Variants in HEG1 observed in about 807,000 individuals in gnomAD.
HEG1 encodes protein HEG homolog 1.
A neutral mutation model predicts 125.6 loss-of-function variants in HEG1; 56 were observed. The ratio of observed to expected loss-of-function variants is 0.45; its 90% confidence interval spans 0.36 to 0.56. The LOEUF (loss-of-function observed/expected upper bound fraction) is 0.56, where lower values mean the gene tolerates loss of function less well. Among genes scored for constraint, HEG1 ranks in the 20% least tolerant of loss-of-function variants. The pLI, the probability that HEG1 is intolerant of heterozygous loss-of-function variation, is 0.00. For missense variants in HEG1, 1,523 were observed against 1,670.0 expected (o/e 0.91, Z 1.53); for synonymous variants, 644 against 668.5 (o/e 0.96, Z 0.57).
In HEG1 at chr3:124,990,840, GA is replaced by G; in HGVS notation, c.3696-17del. 3 of 1,560,636 alleles carry G rather than the reference GA, an allele frequency of 1.9e-6. No homozygotes were observed. Among genetic ancestry groups the G allele is most frequent in the Admixed American group, 1.9e-5 (1 of 51,918 alleles). Reference sequence around the variant, plus strand: ...AAATGGGCAACTGCAAGCCAAGAAAGAAAAAAGGGCAAGAATTAGTTTCCAA... The same window carrying G: ...AAATGGGCAACTGCAAGCCAAGAAAGAAAAAGGGCAAGAATTAGTTTCCAA... On this transcript the variant is annotated splice_polypyrimidine_tract_variant and intron_variant, in intron 13 of 16. Coordinates refer to ENST00000311127, the MANE Select transcript of HEG1 (RefSeq NM_020733.2).
intron 15 of HEG1, among the ~76,000 whole-genome samples, chr3:124,976,313 A>G (rs930518293): frequency 6.6e-6 from 1 of 152,012 alleles, no homozygotes; most frequent in African/African-American, 2.4e-5. Context: ...CAGCCTCCCG[A>G]GTAGCTGGGA....
intron 16 of HEG1, among the ~76,000 whole-genome samples, chr3:124,973,321 C>T (rs1337644273): frequency 6.6e-6 from 1 of 152,134 alleles, no homozygotes; most frequent in African/African-American, 2.4e-5. Flanking sequence ...AGGTGTGAGC[C>T]ACTGTGCCCA....
chr3:125,015,385 G>A (rs1224108666), intron 5 of HEG1, among the ~76,000 whole-genome samples: 2 of 152,216 alleles, frequency 1.3e-5, no homozygotes, highest in Non-Finnish European at 2.9e-5. Context: ...TCAGACATTT[G>A]CACAAGGCCC....
chr3:124,973,312 G>C (rs1208220653), intron 16 of HEG1, among the ~76,000 whole-genome samples: 5 of 152,164 alleles, frequency 3.3e-5, no homozygotes, highest in African/African-American at 1.2e-4. Context: ...TGGGATTACA[G>C]GTGTGAGCCA....
chr3:124,989,804 T>C (rs1318081444), intron 14 of HEG1, among the ~76,000 whole-genome samples: 3 of 152,174 alleles, frequency 2.0e-5, no homozygotes, highest in African/African-American at 7.2e-5. Context: ...GCAGCCCAAA[T>C]TGCTTTCCTT....
chr3:125,044,099 A>G (rs1579438702), intron 1 of HEG1, among the ~76,000 whole-genome samples: 1 of 152,334 alleles, frequency 6.6e-6, no homozygotes, highest in South Asian at 2.1e-4. Flanking sequence ...CTGCTAGAAA[A>G]TGGAGCCGTG....
chr3:124,972,273 T>TGAGA (rs2107685340), intron 16 of HEG1: 1 of 152,292 alleles, frequency 6.6e-6, no homozygotes, highest in East Asian at 1.9e-4. Flanking sequence ...GAGTAAAGGA[T>TGAGA]GAGAGTGTGG....
At chr3:124,995,597 T>C (rs915852081) in intron 12 of HEG1, among the ~76,000 whole-genome samples, 1 of 152,242 alleles carries the variant, frequency 6.6e-6, no homozygotes, top group Non-Finnish European at 1.5e-5. Flanking sequence ...CCAGCACTGA[T>C]GGCCAGAAGA....
intron 15 of HEG1, among the ~76,000 whole-genome samples, chr3:124,976,167 T>C (rs542571823): frequency 2.0e-5 from 3 of 152,244 alleles, no homozygotes; most frequent in African/African-American, 7.2e-5. Context: ...CAATGCTTGT[T>C]ATTTTCTAGG....
intron 11 of HEG1, among the ~76,000 whole-genome samples, chr3:124,998,531 T>C (rs988051314): frequency 2.6e-5 from 4 of 152,150 alleles, no homozygotes; most frequent in South Asian, 2.1e-4. Context: ...CAGGGACTGG[T>C]TGGTACACAT....
In HEG1 at chr3:124,973,586, G is replaced by A. The variant is rs1936483356; in HGVS notation, c.3996+145C>T. ...TAAGTACCATGCAAATAGACTGTAG[G>A]TAAACTGACTAGTAAATCAGAGGTT... On this transcript the variant is annotated intron_variant, in intron 16 of 16. Coordinates refer to ENST00000311127, the MANE Select transcript of HEG1 (RefSeq NM_020733.2). 5.0e-6 allele frequency: 3 copies of A among 596,040 alleles called. No individual in the cohort carries two copies. In the South Asian group the frequency reaches 7.6e-5, roughly 15 times the overall value. 36.9% of individuals were successfully genotyped at this position (596,040 alleles called of 1,614,324 possible). A position where few individuals can be genotyped will look rare whatever the true frequency, so the allele number is the denominator to read the frequency against.
intron 3 of HEG1, among the ~76,000 whole-genome samples, chr3:125,025,409 G>C (rs1484122296): frequency 6.6e-6 from 1 of 152,146 alleles, no homozygotes; most frequent in Non-Finnish European, 1.5e-5. Context: ...TGAACACACA[G>C]TTCACTAAAA....
chr3:125,016,360 C>T (rs557604513), intron 5 of HEG1, among the ~76,000 whole-genome samples: 1 of 152,170 alleles, frequency 6.6e-6, no homozygotes, highest in African/African-American at 2.4e-5. Flanking sequence ...AATGTGGCTA[C>T]TTTCTATCTA....
chr3:124,999,871 T>G (rs1936976438), intron 11 of HEG1, among the ~76,000 whole-genome samples: 1 of 152,210 alleles, frequency 6.6e-6, no homozygotes, highest in African/African-American at 2.4e-5. Context: ...TTCCAAAGAC[T>G]AAACCTCTGG....
intron 15 of HEG1, among the ~76,000 whole-genome samples, chr3:124,977,230 C>A (rs1579394433): frequency 6.6e-6 from 1 of 152,200 alleles, no homozygotes; most frequent in Non-Finnish European, 1.5e-5. Flanking sequence ...AACTGTAAGT[C>A]CATTAAACCT....
chr3:125,009,154 G>C (rs116725263), intron 8 of HEG1, among the ~76,000 whole-genome samples: 1 of 152,372 alleles, frequency 6.6e-6, no homozygotes, highest in African/African-American at 2.4e-5. Context: ...GTGTGATACA[G>C]TTAGGACAGC....
chr3:125,022,790 A>G (rs1937355567), intron 3 of HEG1, among the ~76,000 whole-genome samples: 1 of 152,216 alleles, frequency 6.6e-6, no homozygotes, highest in African/African-American at 2.4e-5. Flanking sequence ...CATTAGAGTC[A>G]TCATTTATAT....
intron 14 of HEG1, among the ~76,000 whole-genome samples, chr3:124,978,332 A>G (rs1397138991): frequency 6.6e-6 from 1 of 152,106 alleles, no homozygotes; most frequent in Non-Finnish European, 1.5e-5. Flanking sequence ...TATTTTTAGT[A>G]GAGACAGGGT....
At chr3:125,045,872 C>T (rs1937655095) in intron 1 of HEG1, among the ~76,000 whole-genome samples, 1 of 152,160 alleles carries the variant, frequency 6.6e-6, no homozygotes, top group Non-Finnish European at 1.5e-5. Context: ...TTTACATATA[C>T]GGAAGCAGGT....
Sources: allele counts gnomAD v4.1 joint callset (sites outside exome capture counted in the v4.1 genomes callset), GRCh38; gene constraint gnomAD v4.1.1; transcripts MANE v1.5; gene names NCBI Gene and HGNC (gene_info 2026-07-23, HGNC 2026-07-21).